The following CTNNA3 variants were observed in gnomAD, a reference collection of about 807,000 sequenced individuals.
CTNNA3 encodes the protein catenin alpha 3, also known as catenin alpha-3.
CTNNA3 carries 76 observed loss-of-function variants against 95.7 expected under a neutral mutation model. The observed-to-expected ratio is 0.79, with a 90% CI of 0.66 to 0.96. The LOEUF is 0.96. CTNNA3 is among the 40% of genes least tolerant of loss of function. CTNNA3 has a pLI of 0.00. For missense variants in CTNNA3, 1,191 were observed against 1,089.8 expected (o/e 1.09, Z -1.31); for synonymous variants, 431 against 374.4 (o/e 1.15, Z -1.74).
chr10:67,750,033 C>T (rs1034827699), intron 1 of CTNNA3, among the ~76,000 whole-genome samples: 3 of 152,290 alleles, frequency 2.0e-5, no homozygotes, highest in East Asian at 1.9e-4. Flanking sequence ...CTGTAACACT[C>T]GCCGTGAAGG....
intron 7 of CTNNA3, among the ~76,000 whole-genome samples, chr10:66,789,838 T>G (rs1322240032): frequency 6.6e-6 from 1 of 152,096 alleles, no homozygotes; most frequent in Non-Finnish European, 1.5e-5. Flanking sequence ...CAAGGGGCAT[T>G]TGGGAGCTAA....
intron 5 of CTNNA3, among the ~76,000 whole-genome samples, chr10:67,433,023 C>T (rs868175548): frequency 6.6e-6 from 1 of 152,032 alleles, no homozygotes; most frequent in Non-Finnish European, 1.5e-5. Context: ...CCTTTGCCTT[C>T]ACAACTTGGC....
At chr10:66,079,372 A>T (rs1337947487) in intron 14 of CTNNA3, 5 of 151,980 alleles carry the variant, frequency 3.3e-5, no homozygotes, top group Non-Finnish European at 7.4e-5. Flanking sequence ...AAAAAAGTTA[A>T]ATCTTATTAT....
intron 3 of CTNNA3, among the ~76,000 whole-genome samples, chr10:67,604,266 A>T (rs12416111): frequency 0.066 from 10,007 of 152,254 alleles, 357 homozygotes; most frequent in South Asian, 0.1. Flanking sequence ...ATAAAGCAAC[A>T]CGGAACATTC....
intron 1 of CTNNA3, among the ~76,000 whole-genome samples, chr10:67,683,929 G>A (rs1490961402): frequency 4.6e-5 from 7 of 151,622 alleles, no homozygotes; most frequent in South Asian, 2.1e-4. Flanking sequence ...GAATGAAGCC[G>A]CAGACCCTCG....
intron 11 of CTNNA3, among the ~76,000 whole-genome samples, chr10:66,474,220 T>C (rs1318374499): frequency 6.6e-6 from 1 of 152,014 alleles, no homozygotes; most frequent in Non-Finnish European, 1.5e-5. Flanking sequence ...TATTGATTCC[T>C]TCCCCTCTAC....
chr10:67,402,473 C>T (rs1009208131), intron 5 of CTNNA3, among the ~76,000 whole-genome samples: 1 of 152,078 alleles, frequency 6.6e-6, no homozygotes, highest in African/African-American at 2.4e-5. Context: ...GCATGGCACT[C>T]ATAAAGAGGA....
intron 5 of CTNNA3, among the ~76,000 whole-genome samples, chr10:67,514,714 TTTG>T (rs1225701807): frequency 7.0e-6 from 1 of 143,828 alleles, no homozygotes; most frequent in African/African-American, 2.9e-5. Context: ...TTGTTTTGTT[TTTG>T]TTGTTTTTTT....
chr10:66,672,884 A>G (rs1262279508), intron 9 of CTNNA3, among the ~76,000 whole-genome samples: 1 of 152,094 alleles, frequency 6.6e-6, no homozygotes, highest in African/African-American at 2.4e-5. Context: ...TCTTTCATGC[A>G]GTCTATATTC....
intron 7 of CTNNA3, among the ~76,000 whole-genome samples, chr10:67,028,686 CTTAATAT>C (rs1373235608): frequency 6.6e-6 from 1 of 150,752 alleles, no homozygotes; most frequent in Non-Finnish European, 1.5e-5. Flanking sequence ...TTTATTTTCC[CTTAATAT>C]TTAGCAAACT....
rs555261349 is a variant in CTNNA3 at position 67,649,988 on chromosome 10, C to T, written c.-5-2470G>A. Among the ~76,000 whole-genome samples, 10 of 152,234 alleles carry T rather than the reference C, an allele frequency of 6.6e-5. No homozygotes were observed. The South Asian group carries it at 2.1e-3, about 32-fold the overall frequency. ...CCAAGTAGCTGGGATTACAGGCATG[C>T]ACCTCCACGCCTGGCTAATTTTGTA... is the stretch of plus-strand genomic sequence containing the variant. On this transcript the variant is annotated intron_variant, in intron 1 of 17. Coordinates refer to ENST00000433211, the MANE Select transcript of CTNNA3 (RefSeq NM_013266.4).
At chr10:67,673,110 C>G (rs1399026828) in intron 1 of CTNNA3, among the ~76,000 whole-genome samples, 1 of 151,962 alleles carries the variant, frequency 6.6e-6, no homozygotes, top group African/African-American at 2.4e-5. Flanking sequence ...GTATTTTATT[C>G]TCTTTGAAGC....
At chr10:66,825,714 T>C (rs78614046) in intron 7 of CTNNA3, among the ~76,000 whole-genome samples, 1 of 152,198 alleles carries the variant, frequency 6.6e-6, no homozygotes, top group African/African-American at 2.4e-5. Flanking sequence ...AACTTTTTTT[T>C]CTACAGGTCA....
intron 9 of CTNNA3, among the ~76,000 whole-genome samples, chr10:66,751,045 G>T (rs529432374): frequency 1.3e-5 from 2 of 151,954 alleles, no homozygotes; most frequent in Non-Finnish European, 2.9e-5. Flanking sequence ...CAAGGCGGGC[G>T]GATCACAAGG....
chr10:66,002,202 A>T (rs767668083), intron 15 of CTNNA3, among the ~76,000 whole-genome samples: 4 of 152,160 alleles, frequency 2.6e-5, no homozygotes, highest in Non-Finnish European at 5.9e-5. Flanking sequence ...AGAGATATAG[A>T]CTCAAGCAAG....
intron 12 of CTNNA3, among the ~76,000 whole-genome samples, chr10:66,341,963 A>G (rs4281384): frequency 0.85 from 123,787 of 145,036 alleles, 52,599 homozygotes; most frequent in East Asian, 0.93. Flanking sequence ...GTGTGTGTGT[A>G]TATATATATA....
intron 1 of CTNNA3, among the ~76,000 whole-genome samples, chr10:67,651,168 G>C (rs1839868794): frequency 6.6e-6 from 1 of 151,296 alleles, no homozygotes; most frequent in Non-Finnish European, 1.5e-5. Flanking sequence ...CAATTAGTTT[G>C]TAAGGTGATG....
intron 5 of CTNNA3, among the ~76,000 whole-genome samples, chr10:67,293,460 G>A (rs1383136936): frequency 6.6e-6 from 1 of 152,094 alleles, no homozygotes; most frequent in Non-Finnish European, 1.5e-5. Flanking sequence ...GATTACTTAT[G>A]ACTGGAACAT....
intron 16 of CTNNA3, among the ~76,000 whole-genome samples, chr10:65,976,467 G>A (rs1168745511): frequency 6.6e-6 from 1 of 152,146 alleles, no homozygotes; most frequent in Admixed American, 6.5e-5. Context: ...GAAAGAATGA[G>A]TCAAATGAGT....
Sources: gnomAD v4.1 joint callset for allele counts (sites outside exome capture counted in the v4.1 genomes callset) on GRCh38, gnomAD v4.1.1 for gene constraint, MANE v1.5 for transcripts, NCBI Gene and HGNC (gene_info 2026-07-23, HGNC 2026-07-21) for gene names.